Variants in SPTBN2 observed in about 807,000 individuals in gnomAD.
SPTBN2 encodes spectrin beta, non-erythrocytic 2, also known as spectrin beta chain, non-erythrocytic 2.
SPTBN2 carries 107 observed loss-of-function variants against 284.2 expected under a neutral mutation model. That is an observed-to-expected ratio of 0.38 (90% CI 0.32 to 0.44). The LOEUF (loss-of-function observed/expected upper bound fraction) is 0.44. SPTBN2 is among the 20% of genes least tolerant of loss of function. SPTBN2 has a pLI of 1.00. For missense variants in SPTBN2, 2,569 were observed against 3,287.1 expected (o/e 0.78, Z 5.34); for synonymous variants, 1,289 against 1,354.8 (o/e 0.95, Z 1.07).
chr11:66,724,381 C>G (rs1316925442), intron 1 of SPTBN2, among the ~76,000 whole-genome samples: 1 of 152,078 alleles, frequency 6.6e-6, no homozygotes, highest in Admixed American at 6.5e-5. Context: ...CAAGATTGCG[C>G]CATTGCACTC....
chr11:66,741,683 T>C (rs1942896675), intron 1 of SPTBN2, among the ~76,000 whole-genome samples: 2 of 152,198 alleles, frequency 1.3e-5, no homozygotes, highest in Admixed American at 1.3e-4. Context: ...TAAGGTGACC[T>C]TAACCAAGGG....
intron 1 of SPTBN2, among the ~76,000 whole-genome samples, chr11:66,740,683 G>A (rs1245143902): frequency 2.6e-5 from 4 of 152,202 alleles, no homozygotes; most frequent in Non-Finnish European, 4.4e-5. Context: ...CAGGACCCGA[G>A]AGAAGCAGTT....
chr11:66,706,357 T>C (rs1416175604), intron 13 of SPTBN2, among the ~76,000 whole-genome samples: 5 of 152,118 alleles, frequency 3.3e-5, no homozygotes, highest in Non-Finnish European at 5.9e-5. Flanking sequence ...TGAGATGGAG[T>C]CTCGCTCCTG....
chr11:66,723,847 T>C (rs887096391), intron 1 of SPTBN2, among the ~76,000 whole-genome samples: 25 of 152,334 alleles, frequency 1.6e-4, no homozygotes, highest in African/African-American at 5.5e-4. Context: ...TCTCAGCTTC[T>C]AGACGGGAAA....
At chr11:66,699,923 A>G (rs1027931274) in intron 17 of SPTBN2, among the ~76,000 whole-genome samples, 2 of 152,010 alleles carry the variant, frequency 1.3e-5, no homozygotes, top group African/African-American at 4.8e-5. Context: ...AGTAAATTAT[A>G]TTCACGTCTT....
chr11:66,689,062 C>G (rs1940353409), intron 30 of SPTBN2, 34 bp downstream of exon 30: 2 of 1,584,584 alleles, frequency 1.3e-6, no homozygotes, highest in Non-Finnish European at 1.7e-6. Context: ...GCCCCCCACT[C>G]CCCACAGGGC....
rs753802658 is a variant in SPTBN2 at position 66,696,426 on chromosome 11, G to A, written c.4129C>T (p.Arg1377Cys). The A allele has an allele frequency of 1.2e-6, 2 of 1,613,104 alleles. No individual in the cohort carries two copies. The highest frequency in any genetic ancestry group is 1.7e-6 in the Non-Finnish European group (2 of 1,180,024). ...GCTCGGTTGGCATCAAAGAGGCTGC[G>A]GGCCTTGGCTTGGGTGGTGGTCTCC... ...ELETTTQAKA[R>C]SLFDANRAEL... The change falls in exon 21 of 38, where the codon CGC (arginine) becomes TGC (cysteine). Residue 1377 changes from arginine (R) to cysteine (C), a missense_variant. Around this residue, in one of 6 missense-constraint regions of SPTBN2, gnomAD observed 49 missense variants for 92.6 expected, o/e 0.53. Coordinates refer to ENST00000533211, the MANE Select transcript of SPTBN2 (RefSeq NM_006946.4).
intron 15 of SPTBN2, among the ~76,000 whole-genome samples, chr11:66,701,945 TG>T (rs941232340): frequency 1.3e-5 from 2 of 152,012 alleles, no homozygotes; most frequent in African/African-American, 2.4e-5. Context: ...TCGCTAGAAA[TG>T]CTCAAAAGAT....
At chr11:66,741,446 T>C (rs1282702475) in intron 1 of SPTBN2, among the ~76,000 whole-genome samples, 3 of 152,202 alleles carry the variant, frequency 2.0e-5, no homozygotes, top group Non-Finnish European at 4.4e-5. Flanking sequence ...CCTTTATAAA[T>C]TACCCAGTGT....
At chr11:66,738,326 A>G (rs1296410760) in intron 1 of SPTBN2, among the ~76,000 whole-genome samples, 1 of 152,168 alleles carries the variant, frequency 6.6e-6, no homozygotes, top group African/African-American at 2.4e-5. Context: ...TTCCTATTTT[A>G]GGTATGGAAA....
chr11:66,696,452 A>G lies in SPTBN2; in HGVS notation c.4103T>C (p.Leu1368Pro). 1 of 1,612,786 alleles carries G rather than the reference A, an allele frequency of 6.2e-7. No homozygotes were observed. Among genetic ancestry groups the G allele is most frequent in the Non-Finnish European group, 8.5e-7 (1 of 1,180,024 alleles). ...LRDLHRRWDE[L>P]ETTTQAKARS... ...GGCCTTGGCTTGGGTGGTGGTCTCC[A>G]GCTCGTCCCAGCGCCTGTGCAGGTC... is the stretch of plus-strand genomic sequence containing the variant. Residue 1368 changes from leucine to proline, a missense_variant, in exon 21 of 38, where the codon CTG (leucine) becomes CCG (proline). Physicochemically the swap from Leu to Pro is moderately conservative, Grantham distance 98 (BLOSUM62 -3). Transcript: ENST00000533211.
In SPTBN2 at chr11:66,688,217, G is replaced by C; in HGVS notation, c.6326C>G (p.Pro2109Arg). ...TGTCTGGCCGCCCACCAGGTCCCCTGGAGGCACACTGGCTGTGGGTTCGGG... is the reference window on the plus strand; with the variant it reads ...TGTCTGGCCGCCCACCAGGTCCCCTCGAGGCACACTGGCTGTGGGTTCGGG... ...PAPEPTASVPPGDLVGGQTAS... is the reference protein window; with the variant it reads ...PAPEPTASVPRGDLVGGQTAS... Residue 2109 changes from proline (P) to arginine (R), a missense_variant, in exon 32 of 38, where the codon CCA becomes CGA. Physicochemically the swap from Pro to Arg is moderately radical, Grantham distance 103. Around this residue, in one of 6 missense-constraint regions of SPTBN2, gnomAD observed 1,130 missense variants for 1,317.3 expected, o/e 0.86. Coordinates refer to ENST00000533211, the MANE Select transcript of SPTBN2 (RefSeq NM_006946.4). 6.2e-7 allele frequency: 1 copy of C among 1,613,766 alleles called. No homozygotes were observed. Among genetic ancestry groups the C allele is most frequent in the Non-Finnish European group, 8.5e-7 (1 of 1,180,038 alleles).
intron 1 of SPTBN2, among the ~76,000 whole-genome samples, chr11:66,740,326 ATCTC>A (rs1590999311): frequency 6.6e-6 from 1 of 152,184 alleles, no homozygotes; most frequent in Non-Finnish European, 1.5e-5. Flanking sequence ...CAGGAAAAGA[ATCTC>A]TCTTTTCCCC....
rs1939888009 is a variant in SPTBN2 at position 66,683,052 on chromosome 11, C to A, written c.*2819G>T. On this transcript the variant is annotated 3_prime_UTR_variant, in exon 38 of 38. Coordinates refer to ENST00000533211, the MANE Select transcript of SPTBN2 (RefSeq NM_006946.4). ...TATAAGCGTGAACCACCATGCCTGG[C>A]CAAGTAATCCATTTTTTTTTTTTTT... Among the ~76,000 whole-genome samples, 1 of 146,312 alleles carries A rather than the reference C, an allele frequency of 6.8e-6. No homozygotes were observed. The highest frequency in any genetic ancestry group is 1.5e-5 in the Non-Finnish European group (1 of 67,264).
rs1316724715 is a variant in SPTBN2, at chr11:66,683,301, C to T, written c.*2570G>A. On this transcript the variant is annotated 3_prime_UTR_variant, in exon 38 of 38. Coordinates refer to ENST00000533211, the MANE Select transcript of SPTBN2 (RefSeq NM_006946.4). ...CGGGATGGTCTCGATCTCCTGACCT[C>T]GTGATCCGCCCGCCTCGGCCTCCCA... Among the ~76,000 whole-genome samples the T allele has an allele frequency of 6.6e-6, 1 of 151,066 alleles. No individual in the cohort carries two copies. The highest frequency in any genetic ancestry group is 6.6e-5 in the Admixed American group (1 of 15,184).
chr11:66,698,857 G>A (rs1941085477), intron 19 of SPTBN2, 72 bp from the exon 20 acceptor site: 2 of 1,606,392 alleles, frequency 1.2e-6, no homozygotes, highest in South Asian at 2.2e-5. Context: ...GCCACAGTGA[G>A]CCAGGAGAAG....
chr11:66,697,495 A>T (rs1244627673), intron 20 of SPTBN2, among the ~76,000 whole-genome samples: 1 of 152,090 alleles, frequency 6.6e-6, no homozygotes, highest in Admixed American at 6.5e-5. Context: ...CCCTGCACAC[A>T]TTCTGTGCTG....
At chr11:66,709,585 A>G (rs1164963962) in intron 10 of SPTBN2, among the ~76,000 whole-genome samples, 1 of 152,032 alleles carries the variant, frequency 6.6e-6, no homozygotes, top group Non-Finnish European at 1.5e-5. Flanking sequence ...CCCATGACTT[A>G]TTTTTCTTTT....
chr11:66,689,963 G>A lies in SPTBN2; in HGVS notation c.5811-20C>T, dbSNP rs1199802400. ...ACATCCCTGGGGGGAGGCAGAAACA[G>A]CATCACCTGCTGCCCACAGCCCCAT... On this transcript the variant is annotated intron_variant, in intron 28 of 37. Coordinates refer to ENST00000533211, the MANE Select transcript of SPTBN2 (RefSeq NM_006946.4). The A allele has an allele frequency of 6.2e-7, 1 of 1,613,856 alleles. No individual in the cohort carries two copies. The highest frequency in any genetic ancestry group is 8.5e-7 in the Non-Finnish European group (1 of 1,179,964).
Sources: gnomAD v4.1 joint callset for allele counts (sites outside exome capture counted in the v4.1 genomes callset) on GRCh38, gnomAD v4.1.1 for gene constraint, gnomAD v4.1.1 regional missense constraint, MANE v1.5 for transcripts, NCBI Gene and HGNC (gene_info 2026-07-23, HGNC 2026-07-21) for gene names.